Variants in LEPR observed in about 807,000 individuals in gnomAD.
LEPR encodes OB receptor.
Under a neutral mutation model 114.7 loss-of-function variants are expected in LEPR, and 56 were observed. That is an observed-to-expected ratio of 0.49 (90% CI 0.39 to 0.61). LEPR has a LOEUF of 0.61. Ranked by LOEUF, LEPR falls within the 20% of genes least tolerant of loss-of-function variation. The probability of loss-of-function intolerance (pLI) is 0.00; values close to 1 mark genes in which losing one functional copy is unlikely to be tolerated. For missense variants in LEPR, 1,202 were observed against 1,352.9 expected, an observed-to-expected ratio of 0.89 and a Z score of 1.75; for synonymous variants, 443 against 461.4, an observed-to-expected ratio of 0.96 and a Z score of 0.51.
At chr1:65,565,641 TAAAC>T in intron 3 of LEPR, 36 bp downstream of exon 3, 2 of 1,611,622 alleles carry the variant, frequency 1.2e-6, no homozygotes, top group Non-Finnish European at 1.7e-6. Context: ...TTAATGCCCT[TAAAC>T]ATGGTAGAGA....
chr1:65,634,592 G>A (rs1019580986), intron 19 of LEPR: 1 of 945,424 alleles, frequency 1.1e-6, no homozygotes, highest in Non-Finnish European at 1.3e-6. Flanking sequence ...TGCATTGGAA[G>A]GCATTTACAG....
intron 2 of LEPR, among the ~76,000 whole-genome samples, chr1:65,551,350 CT>C (rs1464744095): frequency 6.6e-6 from 1 of 151,890 alleles, no homozygotes; most frequent in East Asian, 1.9e-4. Context: ...GGTCCTGGGC[CT>C]TTTTTGGTTG....
intron 2 of LEPR, among the ~76,000 whole-genome samples, chr1:65,493,423 T>C (rs17127680): frequency 0.57 from 86,084 of 151,870 alleles, 25,173 homozygotes; most frequent in Middle Eastern, 0.7. Flanking sequence ...TTGCTCCATA[T>C]TCCAGAATCC....
intron 5 of LEPR, among the ~76,000 whole-genome samples, chr1:65,579,230 C>T (rs889919332): frequency 1.3e-5 from 2 of 152,084 alleles, no homozygotes; most frequent in African/African-American, 2.4e-5. Context: ...CTCTAGAGGC[C>T]TGAGAAGCCT....
chr1:65,526,463 G>A (rs139663354), intron 2 of LEPR: 1 of 961,528 alleles, frequency 1.0e-6, no homozygotes, highest in East Asian at 1.1e-4. Flanking sequence ...TTAAAAACTG[G>A]TTCTTTCTGG....
At chr1:65,548,840 G>T (rs374287423) in intron 2 of LEPR, among the ~76,000 whole-genome samples, 1 of 152,118 alleles carries the variant, frequency 6.6e-6, no homozygotes, top group South Asian at 2.1e-4. Flanking sequence ...TGTGAATTTG[G>T]TCCTGTCATT....
At chr1:65,539,530 G>C (rs114042707) in intron 2 of LEPR, among the ~76,000 whole-genome samples, 1 of 152,086 alleles carries the variant, frequency 6.6e-6, no homozygotes, top group South Asian at 2.1e-4. Flanking sequence ...TTACCATACC[G>C]GTGCCAAGTT....
intron 2 of LEPR, among the ~76,000 whole-genome samples, chr1:65,484,959 A>T (rs1647411512): frequency 6.6e-6 from 1 of 152,238 alleles, no homozygotes; most frequent in Non-Finnish European, 1.5e-5. Flanking sequence ...CAGTGAAAGG[A>T]ACTATCTTTC....
At chr1:65,477,007 C>T (rs548292388) in intron 2 of LEPR, among the ~76,000 whole-genome samples, 68 of 152,298 alleles carry the variant, frequency 4.5e-4, no homozygotes, top group Non-Finnish European at 7.6e-4. Context: ...ATGCAGAACA[C>T]AGTACAGAAA....
At chr1:65,535,184 A>G (rs1650677007) in intron 2 of LEPR, among the ~76,000 whole-genome samples, 1 of 152,016 alleles carries the variant, frequency 6.6e-6, no homozygotes, top group South Asian at 2.1e-4. Flanking sequence ...GAGAAAACAT[A>G]CTGGCATACA....
chr1:65,471,382 G>T (rs7531110), intron 2 of LEPR, among the ~76,000 whole-genome samples: 79,368 of 152,014 alleles, frequency 0.52, 21,600 homozygotes, highest in Middle Eastern at 0.68. Context: ...GATTGGAAAC[G>T]ACTGCTATTG....
intron 2 of LEPR, chr1:65,435,569 G>C (rs567575021): frequency 2.0e-6 from 1 of 497,420 alleles, no homozygotes; most frequent in Admixed American, 6.4e-5. Flanking sequence ...GGGTTTCATC[G>C]TGTTAGCCAG....
At chr1:65,506,879 C>A (rs1648754526) in intron 2 of LEPR, among the ~76,000 whole-genome samples, 1 of 152,066 alleles carries the variant, frequency 6.6e-6, no homozygotes, top group East Asian at 1.9e-4. Flanking sequence ...AATAGAACAC[C>A]AGAACTTATT....
chr1:65,494,581 A>AG (rs1648054831), intron 2 of LEPR, among the ~76,000 whole-genome samples: 1 of 152,210 alleles, frequency 6.6e-6, no homozygotes, highest in African/African-American at 2.4e-5. Context: ...TATTTAACAG[A>AG]GAAAAAGCTA....
intron 2 of LEPR, among the ~76,000 whole-genome samples, chr1:65,542,393 T>A (rs12137973): frequency 0.076 from 11,494 of 152,114 alleles, 599 homozygotes; most frequent in South Asian, 0.27. Context: ...ACTTACGATG[T>A]TCCAGAGAAT....
intron 5 of LEPR, among the ~76,000 whole-genome samples, chr1:65,585,111 T>A (rs1226754474): frequency 6.6e-6 from 1 of 152,076 alleles, no homozygotes. Flanking sequence ...ATTTTTATGA[T>A]GAGTCTAGTC....
intron 2 of LEPR, among the ~76,000 whole-genome samples, chr1:65,479,197 T>C (rs1202921198): frequency 1.3e-5 from 2 of 151,964 alleles, no homozygotes; most frequent in African/African-American, 2.4e-5. Flanking sequence ...GGGAGGAAAA[T>C]AAAGCTCAGG....
At chr1:65,474,344 T>G (rs1026076732) in intron 2 of LEPR, among the ~76,000 whole-genome samples, 2 of 152,218 alleles carry the variant, frequency 1.3e-5, no homozygotes, top group African/African-American at 4.8e-5. Flanking sequence ...GCTCCATTTT[T>G]CATACTTTTA....
chr1:65,592,944 T>C (rs552893685), intron 6 of LEPR, 79 bp downstream of exon 6: 46 of 1,480,710 alleles, frequency 3.1e-5, no homozygotes, highest in Admixed American at 5.5e-5. Flanking sequence ...TACAAAAATA[T>C]TTGCTAGCTT....
Sources: allele counts gnomAD v4.1 joint callset (sites outside exome capture counted in the v4.1 genomes callset), GRCh38; gene constraint gnomAD v4.1.1; transcripts MANE v1.5; gene names NCBI Gene and HGNC (gene_info 2026-07-23, HGNC 2026-07-21).